The following DSCAML1 variants were observed in gnomAD, a reference collection of about 807,000 sequenced individuals.
DSCAML1 encodes the protein cell adhesion molecule DSCAML1.
In DSCAML1, 38 loss-of-function variants were observed where a neutral mutation model predicts 200.5. That is an observed-to-expected ratio of 0.19 (90% CI 0.15 to 0.25). The LOEUF is 0.25. Ranked by LOEUF, DSCAML1 falls within the 10% of genes least tolerant of loss-of-function variation. DSCAML1 has a pLI of 1.00. For synonymous variants in DSCAML1, 1,215 were observed against 1,165.0 expected, an observed-to-expected ratio of 1.04 and a Z score of -0.87; for missense variants, 2,223 against 2,858.8, an observed-to-expected ratio of 0.78 and a Z score of 5.07.
At chr11:117,582,919 G>A (rs2051068964) in intron 3 of DSCAML1, among the ~76,000 whole-genome samples, 1 of 152,028 alleles carries the variant, frequency 6.6e-6, no homozygotes, top group South Asian at 2.1e-4. Context: ...AATGCTAACA[G>A]CACTTCATGC....
At chr11:117,633,680 C>T (rs1303543613) in intron 3 of DSCAML1, among the ~76,000 whole-genome samples, 1 of 152,162 alleles carries the variant, frequency 6.6e-6, no homozygotes, top group African/African-American at 2.4e-5. Flanking sequence ...AACCTGTTTT[C>T]AAAAATAATC....
chr11:117,568,054 C>T (rs1253534677), intron 3 of DSCAML1, among the ~76,000 whole-genome samples: 4 of 152,126 alleles, frequency 2.6e-5, no homozygotes, highest in Non-Finnish European at 4.4e-5. Flanking sequence ...CCCTGGGATG[C>T]AAGGCTGGTT....
chr11:117,658,035 G>T (rs556777056), intron 3 of DSCAML1, among the ~76,000 whole-genome samples: 21 of 152,244 alleles, frequency 1.4e-4, no homozygotes, highest in Non-Finnish European at 1.9e-4. Context: ...TGGCACCAAG[G>T]CACAATGAGA....
In DSCAML1 at chr11:117,797,187, T is replaced by G; in HGVS notation, c.-108A>C. On this transcript the variant is annotated 5_prime_UTR_variant, in exon 1 of 33. Transcript: ENST00000651296. ...CAGCCGCCCGCACTCGGCGCCCCGC[T>G]CTCTCTGCTCCTCAGCCCAGCGCTC... 6.4e-7 allele frequency: 1 copy of G among 1,558,870 alleles called. No homozygotes were observed. The highest frequency in any genetic ancestry group is 8.7e-7 in the Non-Finnish European group (1 of 1,154,324).
At position 117,598,099 on chromosome 11, in the gene DSCAML1, C is replaced by A. The variant is rs114432131; in HGVS notation, c.512-65577G>T. Among the ~76,000 whole-genome samples the A allele has an allele frequency of 7.2e-3, 1,102 of 152,210 alleles. 6 individuals are homozygous for A. The highest frequency in any genetic ancestry group is 0.024 in the African/African-American group (1,000 of 41,528). ...CCAACATGTGGGTGGTCACAGCTTACAAAAGAAAGCAGAACATGAAACCTT... is the reference window on the plus strand; with the variant it reads ...CCAACATGTGGGTGGTCACAGCTTAAAAAAGAAAGCAGAACATGAAACCTT... On this transcript the variant is annotated intron_variant, in intron 3 of 32. Coordinates refer to ENST00000651296, the MANE Select transcript of DSCAML1 (RefSeq NM_020693.4).
chr11:117,575,027 C>T (rs576105514), intron 3 of DSCAML1, among the ~76,000 whole-genome samples: 2 of 152,226 alleles, frequency 1.3e-5, no homozygotes, highest in African/African-American at 4.8e-5. Context: ...CCCGTCTCTA[C>T]TAAAGATACA....
chr11:117,540,557 A>ATAT (rs1403739415), intron 3 of DSCAML1, among the ~76,000 whole-genome samples: 1 of 152,178 alleles, frequency 6.6e-6, no homozygotes, highest in African/African-American at 2.4e-5. Context: ...TATGTTATGT[A>ATAT]TATTTTACCA....
intron 3 of DSCAML1, among the ~76,000 whole-genome samples, chr11:117,766,091 G>A (rs1464362757): frequency 2.6e-5 from 4 of 152,152 alleles, no homozygotes; most frequent in African/African-American, 7.2e-5. Context: ...ACATTGCCTG[G>A]GTGCCTACTA....
intron 1 of DSCAML1, among the ~76,000 whole-genome samples, chr11:117,787,618 G>A (rs1297158107): frequency 1.3e-5 from 2 of 152,064 alleles, no homozygotes; most frequent in Non-Finnish European, 2.9e-5. Flanking sequence ...TTGCCATCCT[G>A]GACTTCTATA....
chr11:117,565,398 A>G (rs1471683562), intron 3 of DSCAML1, among the ~76,000 whole-genome samples: 6 of 152,210 alleles, frequency 3.9e-5, no homozygotes, highest in Non-Finnish European at 8.8e-5. Flanking sequence ...CTATTGATCT[A>G]TATCTAACAC....
Position 117,480,682 on chromosome 11 carries a change from C to G in DSCAML1, c.2657-111G>C. 7.5e-7 allele frequency: 1 copy of G among 1,331,092 alleles called. No individual in the cohort carries two copies. The highest frequency in any genetic ancestry group is 1.4e-5 in the South Asian group (1 of 73,850). 82.5% of individuals were successfully genotyped at this position (1,331,092 alleles called of 1,614,324 possible). ...TGGGTCTAGCCAAGGACTCTGGCACCCTAGGGTTTGAGCAGGGTGGGGGCT... is the reference window on the plus strand; with the variant it reads ...TGGGTCTAGCCAAGGACTCTGGCACGCTAGGGTTTGAGCAGGGTGGGGGCT... On this transcript the variant is annotated intron_variant, in intron 13 of 32. Transcript: ENST00000651296. The surrounding 1 kb of genome is among the most constrained non-coding windows in gnomAD (Gnocchi z 4.1).
At chr11:117,484,886 A>AGTGTGTGTGTGTGTGTGTGT (rs55850829) in intron 11 of DSCAML1, among the ~76,000 whole-genome samples, 1 of 119,090 alleles carries the variant, frequency 8.4e-6, no homozygotes, top group Non-Finnish European at 1.8e-5. Context: ...GCAGAGGAAC[A>AGTGTGTGTGTGTGTGTGTGT]GTGTGTGTGT....
intron 3 of DSCAML1, among the ~76,000 whole-genome samples, chr11:117,636,218 A>G (rs557614855): frequency 6.6e-6 from 1 of 151,934 alleles, no homozygotes; most frequent in East Asian, 1.9e-4. Context: ...TGATGGCTAC[A>G]TTGCATCGAA....
intron 3 of DSCAML1, among the ~76,000 whole-genome samples, chr11:117,726,866 C>T (rs1309372508): frequency 2.0e-5 from 3 of 152,042 alleles, no homozygotes; most frequent in Non-Finnish European, 4.4e-5. Context: ...GCATAAGCAG[C>T]TCTATAGGGA....
At chr11:117,502,281 C>T (rs1024815584) in intron 11 of DSCAML1, among the ~76,000 whole-genome samples, 14 of 152,176 alleles carry the variant, frequency 9.2e-5, no homozygotes, top group African/African-American at 3.1e-4. Flanking sequence ...AACTACTTGC[C>T]ACAGAGCCGG....
intron 3 of DSCAML1, among the ~76,000 whole-genome samples, chr11:117,704,127 AGGAGGGAG>A (rs965870384): frequency 8.8e-6 from 1 of 113,892 alleles, no homozygotes; most frequent in Admixed American, 1.1e-4. Flanking sequence ...GAAGGAAGGG[AGGAGGGAG>A]GGAGGGAGGG....
At chr11:117,617,550 C>T (rs1482029356) in intron 3 of DSCAML1, among the ~76,000 whole-genome samples, 4 of 152,012 alleles carry the variant, frequency 2.6e-5, no homozygotes, top group Admixed American at 1.3e-4. Context: ...GAATAGTCTG[C>T]GCAATTAACA....
chr11:117,650,946 G>A (rs2137619474), intron 3 of DSCAML1, among the ~76,000 whole-genome samples: 2 of 152,328 alleles, frequency 1.3e-5, no homozygotes, highest in South Asian at 4.1e-4. Flanking sequence ...CAGGTAGTAA[G>A]AGTTTCCAGG....
chr11:117,530,819 C>T (rs1472676869), intron 4 of DSCAML1, among the ~76,000 whole-genome samples: 1 of 152,134 alleles, frequency 6.6e-6, no homozygotes, highest in African/African-American at 2.4e-5. Flanking sequence ...GGTTCCTTTT[C>T]CAGAGGCCTA....
Sources: gnomAD v4.1 joint callset for allele counts (sites outside exome capture counted in the v4.1 genomes callset) on GRCh38, gnomAD v4.1.1 for gene constraint, Gnocchi (gnomAD v3.1) non-coding constraint, MANE v1.5 for transcripts, NCBI Gene and HGNC (gene_info 2026-07-23, HGNC 2026-07-21) for gene names.